Variants in LDHB observed in about 807,000 individuals in gnomAD.
LDHB encodes the protein lactate dehydrogenase B.
LDHB carries 18 observed loss-of-function variants against 33.4 expected under a neutral mutation model. That is an observed-to-expected ratio of 0.54 (90% CI 0.37 to 0.80). LDHB has a LOEUF of 0.80. Ranked by LOEUF, LDHB falls within the 30% of genes least tolerant of loss-of-function variation. The probability of loss-of-function intolerance (pLI) is 0.00; values close to 1 mark genes in which losing one functional copy is unlikely to be tolerated. For missense variants in LDHB, 345 were observed against 407.9 expected (o/e 0.85, Z 1.33); for synonymous variants, 121 against 140.6 (o/e 0.86, Z 0.98).
At chr12:21,653,738 A>T (rs1486975556) in intron 2 of LDHB, among the ~76,000 whole-genome samples, 1 of 152,202 alleles carries the variant, frequency 6.6e-6, no homozygotes, top group Non-Finnish European at 1.5e-5. Context: ...ATTATTTATG[A>T]AAGTTTTATT....
intron 7 of LDHB, 149 bp from the exon 8 acceptor site, chr12:21,635,858 G>T: frequency 1.4e-6 from 1 of 717,200 alleles, no homozygotes. Context: ...CAGCCTGGGT[G>T]ACAGAGCAAG....
chr12:21,636,344 T>TAA (rs546167683), intron 7 of LDHB, among the ~76,000 whole-genome samples: 24 of 126,502 alleles, frequency 1.9e-4, no homozygotes, highest in African/African-American at 4.9e-4. Flanking sequence ...CAAGAATTGC[T>TAA]AAAAAAAAAA....
intron 3 of LDHB, among the ~76,000 whole-genome samples, chr12:21,645,823 G>C (rs565864934): frequency 6.6e-6 from 1 of 151,942 alleles, no homozygotes; most frequent in South Asian, 2.1e-4. Context: ...CGGTTCCCTC[G>C]GCCCACTTTT....
chr12:21,647,117 A>T, intron 2 of LDHB, 101 bp from the exon 3 acceptor site: 1 of 716,564 alleles, frequency 1.4e-6, no homozygotes. Flanking sequence ...TAAGCACCAA[A>T]GATCTAAACA....
chr12:21,641,171 A>T (rs1031690267), intron 5 of LDHB, among the ~76,000 whole-genome samples: 1 of 152,182 alleles, frequency 6.6e-6, no homozygotes, highest in Admixed American at 6.5e-5. Context: ...CAAATTACTC[A>T]TAAATTACAA....
At chr12:21,638,284 A>G in intron 6 of LDHB, 69 bp downstream of exon 6, 2 of 888,636 alleles carry the variant, frequency 2.3e-6, no homozygotes, top group Non-Finnish European at 3.8e-6. Context: ...ACAGCCATGG[A>G]AAATGTTTAT....
At chr12:21,644,396 G>A (rs1489759291) in intron 3 of LDHB, among the ~76,000 whole-genome samples, 1 of 101,646 alleles carries the variant, frequency 9.8e-6, no homozygotes, top group Non-Finnish European at 1.9e-5. Flanking sequence ...AAAATGAAGT[G>A]TAAACAGTGA....
intron 3 of LDHB, among the ~76,000 whole-genome samples, chr12:21,644,424 C>CA (rs72491634): frequency 2.6e-4 from 4 of 15,268 alleles, no homozygotes; most frequent in African/African-American, 5.2e-4. Flanking sequence ...AGGTAGACAT[C>CA]AAAAAAAAAA....
chr12:21,649,354 T>A (rs1455086369), intron 2 of LDHB, among the ~76,000 whole-genome samples: 1 of 152,230 alleles, frequency 6.6e-6, no homozygotes, highest in African/African-American at 2.4e-5. Context: ...TTTAGCTGCA[T>A]CCGCAGCACT....
chr12:21,648,177 T>C (rs984178559), intron 2 of LDHB, among the ~76,000 whole-genome samples: 2 of 152,168 alleles, frequency 1.3e-5, no homozygotes, highest in Admixed American at 1.3e-4. Flanking sequence ...GAGTCCTTGC[T>C]CTTACTGTTT....
chr12:21,643,862 T>C (rs1938438124), intron 4 of LDHB, 73 bp downstream of exon 4: 2 of 1,191,446 alleles, frequency 1.7e-6, no homozygotes, highest in African/African-American at 3.0e-5. Context: ...CTGATTTTAG[T>C]CCAAAACAAT....
chr12:21,640,858 G>A (rs959501979), intron 5 of LDHB, among the ~76,000 whole-genome samples: 3 of 151,784 alleles, frequency 2.0e-5, no homozygotes, highest in Admixed American at 1.3e-4. Flanking sequence ...AGACGTAAGA[G>A]TCAGTTTGAA....
chr12:21,638,589 C>G (rs557252546), intron 5 of LDHB, 119 bp from the exon 6 acceptor site: 59 of 720,080 alleles, frequency 8.2e-5, no homozygotes, highest in Admixed American at 4.3e-4. Context: ...ACTGGAACTG[C>G]TCCAATAAGT....
At chr12:21,642,164 A>G (rs745888780) in intron 4 of LDHB, 39 bp from the exon 5 acceptor site, 5 of 1,488,324 alleles carry the variant, frequency 3.4e-6, no homozygotes, top group Non-Finnish European at 4.7e-6. Flanking sequence ...GTAAACCAAA[A>G]CCAACTTCAA....
chr12:21,646,395 C>A (rs189687625), intron 3 of LDHB, among the ~76,000 whole-genome samples: 2 of 152,238 alleles, frequency 1.3e-5, no homozygotes, highest in Admixed American at 1.3e-4. Context: ...TTTCTACATA[C>A]ACTTCCAATG....
chr12:21,637,470 A>G (rs1359573748), intron 6 of LDHB: 4 of 298,026 alleles, frequency 1.3e-5, no homozygotes, highest in South Asian at 5.3e-5. Flanking sequence ...AAAAATATAC[A>G]TTTTCCAATC....
chr12:21,640,096 A>G (rs1938328920), intron 5 of LDHB, among the ~76,000 whole-genome samples: 1 of 151,322 alleles, frequency 6.6e-6, no homozygotes, highest in Non-Finnish European at 1.5e-5. Flanking sequence ...ATTATTTATC[A>G]TCATTATTAT....
intron 2 of LDHB, chr12:21,654,339 A>G (rs1289495725): frequency 1.7e-6 from 1 of 578,218 alleles, no homozygotes; most frequent in Non-Finnish European, 3.1e-6. Context: ...TGTAGTAACT[A>G]TTTATGGTCA....
At chr12:21,649,121 G>A (rs12319089) in intron 2 of LDHB, among the ~76,000 whole-genome samples, 4,155 of 152,200 alleles carry the variant, frequency 0.027, 198 homozygotes, top group African/African-American at 0.094. Context: ...TTCTATTAAG[G>A]TACTGAGCAC....
Sources: allele counts gnomAD v4.1 joint callset (sites outside exome capture counted in the v4.1 genomes callset), GRCh38; gene constraint gnomAD v4.1.1; transcripts MANE v1.5; gene names NCBI Gene and HGNC (gene_info 2026-07-23, HGNC 2026-07-21).